Variants in DHX36 observed in about 807,000 individuals in gnomAD.
The protein encoded by DHX36 is ATP-dependent DNA/RNA helicase DHX36.
Under a neutral mutation model 139.0 loss-of-function variants are expected in DHX36, and 50 were observed. The observed-to-expected ratio is 0.36, with a 90% confidence interval of 0.29 to 0.46. The LOEUF is 0.46. Among genes scored for constraint, DHX36 ranks in the 20% least tolerant of loss-of-function variants. The pLI, the probability that DHX36 is intolerant of heterozygous loss-of-function variation, is 1.00. For synonymous variants in DHX36, 425 were observed against 401.9 expected, an observed-to-expected ratio of 1.06 and a Z score of -0.69; for missense variants, 1,024 against 1,211.3, an observed-to-expected ratio of 0.85 and a Z score of 2.29.
chr3:154,324,088 G>T (rs1713304479), intron 1 of DHX36, 86 bp downstream of exon 1: 2 of 1,429,272 alleles, frequency 1.4e-6, no homozygotes, highest in Middle Eastern at 1.8e-4. Context: ...CATCACTTAA[G>T]AAACAAAACC....
chr3:154,280,512 A>T, intron 22 of DHX36, 67 bp downstream of exon 22: 1 of 1,113,150 alleles, frequency 9.0e-7, no homozygotes, highest in Non-Finnish European at 1.3e-6. Context: ...AAGCCTTGTT[A>T]CATGAGCAGA....
chr3:154,302,985 G>A (rs1712358226), intron 9 of DHX36, among the ~76,000 whole-genome samples: 1 of 152,206 alleles, frequency 6.6e-6, no homozygotes, highest in Admixed American at 6.5e-5. Context: ...GCTGAGGTGG[G>A]AGAATCACTT....
chr3:154,321,988 T>C (rs1235449364), intron 1 of DHX36, among the ~76,000 whole-genome samples: 2 of 150,742 alleles, frequency 1.3e-5, no homozygotes, highest in Non-Finnish European at 2.9e-5. Flanking sequence ...AAGTGAAAGC[T>C]ACCGAAATTC....
chr3:154,283,312 A>G (rs111625607), intron 19 of DHX36, 41 bp from the exon 20 acceptor site: 13 of 1,367,800 alleles, frequency 9.5e-6, no homozygotes, highest in African/African-American at 8.5e-5. Context: ...TTTCTCCCGC[A>G]AACAAAGATT....
chr3:154,309,142 A>G (rs1187056089), intron 5 of DHX36, among the ~76,000 whole-genome samples: 13 of 152,068 alleles, frequency 8.5e-5, no homozygotes, highest in Admixed American at 6.6e-4. Flanking sequence ...GAGCCGTGTT[A>G]TCACCACTGC....
chr3:154,302,071 TAA>T (rs773742984), intron 9 of DHX36, among the ~76,000 whole-genome samples: 182 of 103,382 alleles, frequency 1.8e-3, no homozygotes, highest in African/African-American at 5.1e-3. Flanking sequence ...TGTGATAAAG[TAA>T]AAAAAAAAAA....
At position 154,313,983 on chromosome 3, in the gene DHX36, A is replaced by C. The variant is rs145745187; in HGVS notation, c.603+1063T>G. On this transcript the variant is annotated intron_variant, in intron 3 of 24. Coordinates refer to ENST00000496811, the MANE Select transcript of DHX36 (RefSeq NM_020865.3). The stretch of plus-strand genomic sequence containing the variant: ...AAGCATTTATGACAACATATGGGAA[A>C]TAGGAAGACCACCAACTTTTTAAAT... Among the ~76,000 whole-genome samples, 179 of 152,332 alleles carry C rather than the reference A, an allele frequency of 1.2e-3. 1 individual carries two copies. Among genetic ancestry groups the C allele is most frequent in the African/African-American group, 3.9e-3 (163 of 41,576 alleles).
At position 154,273,542 on chromosome 3, in the gene DHX36, C is replaced by T. The variant is rs898273414; in HGVS notation, c.*2629G>A. ...AAAAAAGCACAAACAGAAACTCTTA[C>T]AGAGCAAGAAAGACCAGATGGTCAC... is the stretch of plus-strand genomic sequence containing the variant. On this transcript the variant is annotated 3_prime_UTR_variant, in exon 25 of 25. Coordinates refer to ENST00000496811, the MANE Select transcript of DHX36 (RefSeq NM_020865.3). 6.6e-6 allele frequency: 1 copy of T among 152,150 alleles called. No homozygotes were observed. 9.4% of individuals were successfully genotyped at this position (152,150 alleles called of 1,614,324 possible). A position where few individuals can be genotyped will look rare whatever the true frequency, so the allele number is the denominator to read the frequency against.
rs1393934825 is a variant in DHX36 at position 154,315,186 on chromosome 3, A to G, written c.463T>C (p.Phe155Leu). 6.2e-7 allele frequency: 1 copy of G among 1,613,064 alleles called. No individual in the cohort carries two copies. Among genetic ancestry groups the G allele is most frequent in the African/African-American group, 1.3e-5 (1 of 74,840 alleles). ...ATATATGATCTGTTCCTGATTCTAA[A>G]CATTTTTTTTTCTTGATTTATCAAC... is the stretch of plus-strand genomic sequence containing the variant. ...KKLINQEKKM[F>L]RIRNRSYIDR... The change falls in exon 3 of 25, where the codon TTT (phenylalanine) becomes CTT (leucine). Residue 155 changes from phenylalanine (F) to leucine (L), a missense_variant. Coordinates refer to ENST00000496811, the MANE Select transcript of DHX36 (RefSeq NM_020865.3).
chr3:154,276,120 T>C lies in DHX36; in HGVS notation c.*51A>G, dbSNP rs758328547. On this transcript the variant is annotated 3_prime_UTR_variant, in exon 25 of 25. Transcript: ENST00000496811. ...TGGCATCCAGCCAAAATTTAAACAA[T>C]GATGAAGAATGGCTGTCAAACTGGC... 2 of 1,563,326 alleles carry C rather than the reference T, an allele frequency of 1.3e-6. No individual in the cohort carries two copies. Among genetic ancestry groups the C allele is most frequent in the South Asian group, 1.2e-5 (1 of 83,600 alleles).
chr3:154,305,442 C>A (rs112554878), intron 6 of DHX36: 2 of 282,010 alleles, frequency 7.1e-6, no homozygotes, highest in Non-Finnish European at 1.3e-5. Flanking sequence ...ACTTATGGGG[C>A]CTAAATATTT....
chr3:154,314,943 G>A, intron 3 of DHX36, 103 bp downstream of exon 3: 1 of 751,470 alleles, frequency 1.3e-6, no homozygotes, highest in Admixed American at 2.9e-5. Context: ...GTCTTGTTGA[G>A]GATCTCACTG....
intron 8 of DHX36, 84 bp from the exon 9 acceptor site, chr3:154,303,494 A>C (rs1256625900): frequency 2.0e-5 from 19 of 933,132 alleles, no homozygotes; most frequent in Non-Finnish European, 2.9e-5. Flanking sequence ...CAATGACTCT[A>C]TTACTTACTA....
intron 4 of DHX36, among the ~76,000 whole-genome samples, chr3:154,310,832 T>TATATATATATATATATATATGTATATAC (rs1712732227): frequency 1.9e-5 from 1 of 53,182 alleles, no homozygotes; most frequent in African/African-American, 7.0e-5. Flanking sequence ...TATATATATA[T>TATATATATATATATATATATGTATATAC]ATATATATAT....
intron 6 of DHX36, 117 bp from the exon 7 acceptor site, chr3:154,305,285 A>G (rs1712455621): frequency 2.3e-6 from 2 of 878,074 alleles, no homozygotes; most frequent in Non-Finnish European, 3.4e-6. Context: ...AAATCTTCAC[A>G]CTTAATTTTT....
chr3:154,311,844 T>C (rs2108361742), intron 3 of DHX36, 170 bp from the exon 4 acceptor site: 1 of 493,580 alleles, frequency 2.0e-6, no homozygotes, highest in Non-Finnish European at 3.5e-6. Context: ...TCCTTTTATG[T>C]CTGAAACATT....
intron 17 of DHX36, among the ~76,000 whole-genome samples, chr3:154,285,961 G>A (rs1181975356): frequency 6.6e-6 from 1 of 150,708 alleles, no homozygotes; most frequent in African/African-American, 2.4e-5. Flanking sequence ...ACAAAATAAT[G>A]GCAAATTGAA....
At chr3:154,282,889 T>G (rs569534000) in intron 20 of DHX36, among the ~76,000 whole-genome samples, 6 of 152,148 alleles carry the variant, frequency 3.9e-5, no homozygotes, top group African/African-American at 1.4e-4. Context: ...TTTCAACAGA[T>G]TTTAGTAGTG....
At chr3:154,276,591 AAC>A in intron 24 of DHX36, 154 bp downstream of exon 24, 1 of 915,428 alleles carries the variant, frequency 1.1e-6, no homozygotes, top group Non-Finnish European at 1.6e-6. Flanking sequence ...ACCACCTCAA[AAC>A]ACAATTCAGA....
Sources: gnomAD v4.1 joint callset for allele counts (sites outside exome capture counted in the v4.1 genomes callset) on GRCh38, gnomAD v4.1.1 for gene constraint, MANE v1.5 for transcripts, NCBI Gene and HGNC (gene_info 2026-07-23, HGNC 2026-07-21) for gene names.